The following MAGI2 variants were observed in gnomAD, a reference collection of about 807,000 sequenced individuals.
MAGI2 encodes membrane-associated guanylate kinase, WW and PDZ domain-containing protein 2.
A neutral mutation model predicts 133.3 loss-of-function variants in MAGI2; 35 were observed. The observed-to-expected ratio is 0.26, with a 90% CI of 0.20 to 0.35. The LOEUF (loss-of-function observed/expected upper bound fraction) is 0.35. MAGI2 is among the 10% of genes least tolerant of loss of function. The probability of loss-of-function intolerance (pLI) is 1.00; values close to 1 mark genes in which losing one functional copy is unlikely to be tolerated. For missense variants in MAGI2, 1,636 were observed against 1,863.4 expected (o/e 0.88, Z 2.25); for synonymous variants, 729 against 710.6 (o/e 1.03, Z -0.41).
intron 2 of MAGI2, among the ~76,000 whole-genome samples, chr7:78,979,600 T>A (rs1804607439): frequency 1.3e-5 from 2 of 151,942 alleles, no homozygotes; most frequent in African/African-American, 4.8e-5. Flanking sequence ...CTCTCTATCC[T>A]ACAAAGCCTT....
At chr7:78,791,256 A>G (rs753650522) in intron 2 of MAGI2, among the ~76,000 whole-genome samples, 2 of 152,216 alleles carry the variant, frequency 1.3e-5, no homozygotes, top group Non-Finnish European at 2.9e-5. Context: ...CTTAACTAAT[A>G]AAGAAATGCA....
chr7:79,401,563 A>G (rs537441670), intron 1 of MAGI2, among the ~76,000 whole-genome samples: 1 of 152,300 alleles, frequency 6.6e-6, no homozygotes, highest in Non-Finnish European at 1.5e-5. Context: ...AGTTGGTTGG[A>G]TGCCAGGGTA....
intron 1 of MAGI2, among the ~76,000 whole-genome samples, chr7:79,048,165 T>C (rs531627140): frequency 6.6e-6 from 1 of 152,326 alleles, no homozygotes; most frequent in South Asian, 2.1e-4. Context: ...TGTGGGTTAA[T>C]TTATAAAAAC....
intron 21 of MAGI2, among the ~76,000 whole-genome samples, chr7:78,057,213 T>A (rs984886281): frequency 1.3e-5 from 2 of 152,038 alleles, no homozygotes; most frequent in African/African-American, 4.8e-5. Flanking sequence ...TTTCTTCACA[T>A]CCTTGCCAAC....
chr7:79,012,268 T>A (rs2280607), intron 1 of MAGI2: 65,814 of 151,892 alleles, frequency 0.43, 16,630 homozygotes, highest in East Asian at 0.62. Flanking sequence ...TTAAACTTTA[T>A]GGATAAGAAT....
At chr7:79,098,921 A>C (rs1189406055) in intron 1 of MAGI2, among the ~76,000 whole-genome samples, 1 of 151,092 alleles carries the variant, frequency 6.6e-6, no homozygotes, top group East Asian at 1.9e-4. Flanking sequence ...GCTGGCTTCT[A>C]ATAACCATTT....
chr7:78,456,445 T>G (rs2151495959), intron 6 of MAGI2, among the ~76,000 whole-genome samples: 2 of 152,288 alleles, frequency 1.3e-5, no homozygotes, highest in Middle Eastern at 6.8e-3. Context: ...CACTTATGCA[T>G]TTATTTTTTA....
chr7:78,073,642 A>G (rs1203983432), intron 21 of MAGI2, among the ~76,000 whole-genome samples: 2 of 152,198 alleles, frequency 1.3e-5, no homozygotes, highest in Non-Finnish European at 2.9e-5. Context: ...ATCCAGCGGC[A>G]CCTCTATTTA....
chr7:78,583,078 G>A (rs114869813), intron 3 of MAGI2, among the ~76,000 whole-genome samples: 1,813 of 152,270 alleles, frequency 0.012, 32 homozygotes, highest in African/African-American at 0.038. Flanking sequence ...CACGGAGGAA[G>A]TGTGAGTATA....
At chr7:78,865,683 G>A (rs1794497391) in intron 2 of MAGI2, among the ~76,000 whole-genome samples, 2 of 152,142 alleles carry the variant, frequency 1.3e-5, no homozygotes, top group African/African-American at 4.8e-5. Context: ...TAATTGATGA[G>A]AAAGAAAATA....
intron 1 of MAGI2, among the ~76,000 whole-genome samples, chr7:79,394,245 C>A (rs1844880747): frequency 1.3e-5 from 2 of 152,162 alleles, no homozygotes; most frequent in Admixed American, 6.6e-5. Context: ...TGTGACCTAA[C>A]AACATGAGCC....
chr7:78,411,834 C>T (rs959738220), intron 6 of MAGI2, among the ~76,000 whole-genome samples: 8 of 151,960 alleles, frequency 5.3e-5, no homozygotes, highest in Non-Finnish European at 1.0e-4. Context: ...TTCTTGACTT[C>T]ATTTAAATGA....
intron 1 of MAGI2, among the ~76,000 whole-genome samples, chr7:79,034,745 C>G (rs1179396186): frequency 6.6e-6 from 1 of 152,182 alleles, no homozygotes; most frequent in Admixed American, 6.5e-5. Context: ...CCAATACTGA[C>G]CATAAGCACA....
At chr7:79,035,706 C>T (rs1307655011) in intron 1 of MAGI2, among the ~76,000 whole-genome samples, 1 of 152,042 alleles carries the variant, frequency 6.6e-6, no homozygotes. Context: ...TATTAGTAAA[C>T]CTATTAATTT....
intron 2 of MAGI2, among the ~76,000 whole-genome samples, chr7:78,687,990 A>G (rs528287975): frequency 4.9e-5 from 7 of 143,706 alleles, no homozygotes; most frequent in South Asian, 2.1e-4. Context: ...AAAAAAAAAA[A>G]AAAAAAAAAA....
chr7:79,372,377 A>C (rs1026680360), intron 1 of MAGI2, among the ~76,000 whole-genome samples: 5 of 152,180 alleles, frequency 3.3e-5, no homozygotes, highest in Non-Finnish European at 7.4e-5. Context: ...AATGGGATGA[A>C]AGAGAAATAA....
At chr7:78,841,241 T>A (rs765765775) in intron 2 of MAGI2, among the ~76,000 whole-genome samples, 1 of 152,054 alleles carries the variant, frequency 6.6e-6, no homozygotes, top group African/African-American at 2.4e-5. Flanking sequence ...GTTGCCTTCA[T>A]AATGATCACA....
chr7:78,966,597 C>T (rs1803328531), intron 2 of MAGI2, among the ~76,000 whole-genome samples: 1 of 152,018 alleles, frequency 6.6e-6, no homozygotes, highest in African/African-American at 2.4e-5. Context: ...TAGGTTGTTT[C>T]CACAACTTGG....
chr7:78,703,930 G>T (rs573452646), intron 2 of MAGI2, among the ~76,000 whole-genome samples: 125 of 150,342 alleles, frequency 8.3e-4, no homozygotes, highest in Non-Finnish European at 1.6e-3. Flanking sequence ...CAACTCGTTA[G>T]ATTAAAGGCT....
Sources: gnomAD v4.1 joint callset for allele counts (sites outside exome capture counted in the v4.1 genomes callset) on GRCh38, gnomAD v4.1.1 for gene constraint, MANE v1.5 for transcripts, NCBI Gene and HGNC (gene_info 2026-07-23, HGNC 2026-07-21) for gene names.